The following DMXL1 variants were observed in gnomAD, a reference collection of about 807,000 sequenced individuals.
DMXL1 encodes the protein dmX-like protein 1.
Under a neutral mutation model 319.2 loss-of-function variants are expected in DMXL1, and 99 were observed. The observed-to-expected ratio is 0.31, with a 90% CI of 0.26 to 0.37. The LOEUF is 0.37. DMXL1 is among the 10% of genes least tolerant of loss of function. The pLI, the probability that DMXL1 is intolerant of heterozygous loss-of-function variation, is 1.00. For missense variants in DMXL1, 3,745 were observed against 3,595.6 expected (o/e 1.04, Z -1.06); for synonymous variants, 1,385 against 1,235.2 (o/e 1.12, Z -2.54).
At chr5:119,151,557 T>G (rs576208637) in intron 18 of DMXL1, among the ~76,000 whole-genome samples, 4 of 152,246 alleles carry the variant, frequency 2.6e-5, no homozygotes, top group Admixed American at 2.6e-4. Flanking sequence ...CTCCCAGTGT[T>G]AACAGCAGAT....
intron 1 of DMXL1, among the ~76,000 whole-genome samples, chr5:119,079,395 T>C (rs558449710): frequency 5.9e-5 from 9 of 152,242 alleles, no homozygotes; most frequent in Non-Finnish European, 1.0e-4. Context: ...CTCTGGGAGC[T>C]CAGCCCTAAA....
intron 2 of DMXL1, chr5:119,100,558 T>G (rs1757021228): frequency 6.6e-6 from 1 of 152,158 alleles, no homozygotes; most frequent in Non-Finnish European, 1.5e-5. Flanking sequence ...TCATTTATCC[T>G]TTTATTCATC....
At chr5:119,241,262 T>G (rs1384400989) in intron 42 of DMXL1, among the ~76,000 whole-genome samples, 1 of 152,180 alleles carries the variant, frequency 6.6e-6, no homozygotes, top group East Asian at 1.9e-4. Context: ...CCGGGCGCAG[T>G]GGCTCATGCC....
At chr5:119,091,742 C>G (rs1469392041) in intron 1 of DMXL1, among the ~76,000 whole-genome samples, 1 of 152,160 alleles carries the variant, frequency 6.6e-6, no homozygotes, top group South Asian at 2.1e-4. Context: ...CAGGAGGTAT[C>G]TCAGCAGAGG....
At chr5:119,137,762 TC>T (rs551748405) in intron 13 of DMXL1, among the ~76,000 whole-genome samples, 51 of 152,274 alleles carry the variant, frequency 3.3e-4, no homozygotes, top group Non-Finnish European at 6.5e-4. Context: ...TCCTGAGGGC[TC>T]CCCTGCCATG....
chr5:119,124,951 C>A (rs987889390), intron 9 of DMXL1, among the ~76,000 whole-genome samples: 3 of 152,066 alleles, frequency 2.0e-5, no homozygotes, highest in African/African-American at 7.2e-5. Context: ...ATTAACAGAG[C>A]TACAAATTAT....
intron 13 of DMXL1, among the ~76,000 whole-genome samples, chr5:119,139,333 G>T (rs910137433): frequency 1.3e-5 from 2 of 152,100 alleles, no homozygotes; most frequent in Admixed American, 1.3e-4. Flanking sequence ...GGTATAGAGT[G>T]GCACACTGGA....
intron 13 of DMXL1, among the ~76,000 whole-genome samples, chr5:119,137,763 C>T (rs1766354853): frequency 6.6e-6 from 1 of 152,044 alleles, no homozygotes; most frequent in South Asian, 2.1e-4. Flanking sequence ...CCTGAGGGCT[C>T]CCCTGCCATG....
chr5:119,165,286 T>TA lies in DMXL1; in HGVS notation c.4970+24dup, dbSNP rs11301800. ...GTGATTTGGGGATTATATAGGTAGG[T>TA]AAAAAAAAAAAAAAAAAAGGGTGCT... On this transcript the variant is annotated splice_region_variant and intron_variant, in intron 21 of 43. Coordinates refer to ENST00000539542, the MANE Select transcript of DMXL1 (RefSeq NM_001290321.3). 27,869 of 882,258 alleles carry TA rather than the reference T, an allele frequency of 0.032. 249 individuals carry two copies. The highest frequency in any genetic ancestry group is 0.035 in the South Asian group (1,773 of 51,282). 54.7% of individuals were successfully genotyped at this position (882,258 alleles called of 1,614,324 possible). A position where few individuals can be genotyped will look rare whatever the true frequency, so the allele number is the denominator to read the frequency against.
At chr5:119,127,866 G>C (rs1054547447) in intron 9 of DMXL1, 2 of 340,628 alleles carry the variant, frequency 5.9e-6, no homozygotes, top group Non-Finnish European at 1.2e-5. Flanking sequence ...TCTGGTATCA[G>C]CATGTCTGCT....
At chr5:119,145,839 A>G (rs1417178048) in intron 15 of DMXL1, among the ~76,000 whole-genome samples, 1 of 151,704 alleles carries the variant, frequency 6.6e-6, no homozygotes, top group African/African-American at 2.4e-5. Flanking sequence ...ATGGTTTCAT[A>G]TCTTTTGCTC....
chr5:119,079,935 C>A (rs1227676665), intron 1 of DMXL1, among the ~76,000 whole-genome samples: 1 of 152,178 alleles, frequency 6.6e-6, no homozygotes, highest in Middle Eastern at 3.2e-3. Context: ...GGCCTTGGTC[C>A]TCTTCTCGTT....
chr5:119,133,434 A>G (rs767722057), intron 11 of DMXL1, 49 bp downstream of exon 11: 18 of 1,584,452 alleles, frequency 1.1e-5, no homozygotes, highest in Non-Finnish European at 1.5e-5. Context: ...TGTGGGTACT[A>G]TTTTCTAATA....
At chr5:119,162,796 A>C (rs1772552097) in intron 19 of DMXL1, among the ~76,000 whole-genome samples, 1 of 152,188 alleles carries the variant, frequency 6.6e-6, no homozygotes, top group African/African-American at 2.4e-5. Flanking sequence ...AGGAATCCAA[A>C]AATTTGATTT....
intron 10 of DMXL1, 23 bp downstream of exon 10, chr5:119,129,446 A>T: frequency 6.5e-7 from 1 of 1,548,372 alleles, no homozygotes; most frequent in Non-Finnish European, 8.7e-7. Context: ...AGGAAAGGAA[A>T]ATTTAAAGTT....
intron 1 of DMXL1, among the ~76,000 whole-genome samples, chr5:119,083,683 G>T (rs1043555029): frequency 6.6e-6 from 1 of 152,008 alleles, no homozygotes; most frequent in Non-Finnish European, 1.5e-5. Context: ...TGGGATTACA[G>T]GTGTGTGCCA....
chr5:119,167,563 C>A (rs748720454), intron 22 of DMXL1, 40 bp from the exon 23 acceptor site: 26 of 1,496,014 alleles, frequency 1.7e-5, no homozygotes, highest in Admixed American at 2.2e-5. Flanking sequence ...TAAAATGAAA[C>A]CTGCTCCTGC....
chr5:119,202,495 A>T (rs571877389), intron 32 of DMXL1, among the ~76,000 whole-genome samples: 9 of 152,320 alleles, frequency 5.9e-5, no homozygotes, highest in South Asian at 4.1e-4. Context: ...GAGTACCAAC[A>T]TGATGCTATA....
rs1481706816 is a variant in DMXL1 at position 119,170,655 on chromosome 5, C to G, written c.5864C>G (p.Pro1955Arg). ...NSTLSFDWSQ[P>R]SVVFQDDSLE... The stretch of plus-strand genomic sequence containing the variant: ...ACTCTTTCTTTTGACTGGAGCCAAC[C>G]AAGTGTTGTGTTTCAGGATGACTCT... The change falls in exon 24 of 44, where the codon CCA (proline) becomes CGA (arginine). Residue 1955 changes from proline (P) to arginine (R), a missense_variant. Transcript: ENST00000539542. 1 of 1,613,340 alleles carries G rather than the reference C, an allele frequency of 6.2e-7. No homozygotes were observed. Among genetic ancestry groups the G allele is most frequent in the Non-Finnish European group, 8.5e-7 (1 of 1,179,842 alleles).
Sources: allele counts gnomAD v4.1 joint callset (sites outside exome capture counted in the v4.1 genomes callset), GRCh38; gene constraint gnomAD v4.1.1; transcripts MANE v1.5; gene names NCBI Gene and HGNC (gene_info 2026-07-23, HGNC 2026-07-21).